The following CCDC15 variants were observed in gnomAD, a reference collection of about 807,000 sequenced individuals.
The protein encoded by CCDC15 is coiled-coil domain-containing protein 15.
Under a neutral mutation model 114.5 loss-of-function variants are expected in CCDC15, and 105 were observed. The observed-to-expected ratio is 0.92, with a 90% confidence interval of 0.78 to 1.08. The LOEUF (loss-of-function observed/expected upper bound fraction) is 1.08, where lower values mean the gene tolerates loss of function less well. Among genes scored for constraint, CCDC15 ranks in the 50% least tolerant of loss-of-function variants. CCDC15 has a pLI of 0.00. For synonymous variants in CCDC15, 334 were observed against 377.8 expected, an observed-to-expected ratio of 0.88 and a Z score of 1.34; for missense variants, 1,105 against 1,093.6, an observed-to-expected ratio of 1.01 and a Z score of -0.15.
chr11:125,038,582 C>G lies in CCDC15; in HGVS notation c.2563C>G (p.Gln855Glu). The change falls in exon 14 of 16, where the codon CAG (glutamine) becomes GAG (glutamate). Residue 855 changes from glutamine to glutamate, a missense_variant. Gln to Glu is a conservative substitution (Grantham distance 29, BLOSUM62 2). Coordinates refer to ENST00000344762, the MANE Select transcript of CCDC15 (RefSeq NM_025004.3). ...QEIKGTREKQ[Q>E]REKEYLRYVE... ...AATAAAAGGAACCAGAGAAAAACAA[C>G]AGAGAGAAAAAGAATACCTGAGGTA... is the stretch of plus-strand genomic sequence containing the variant. 1 of 1,569,090 alleles carries G rather than the reference C, an allele frequency of 6.4e-7. No individual in the cohort carries two copies. The highest frequency in any genetic ancestry group is 8.6e-7 in the Non-Finnish European group (1 of 1,161,056).
At chr11:124,970,897 C>T (rs1002806078) in intron 4 of CCDC15, among the ~76,000 whole-genome samples, 3 of 152,094 alleles carry the variant, frequency 2.0e-5, no homozygotes, top group Non-Finnish European at 2.9e-5. Flanking sequence ...TTACAATTTT[C>T]GTTTTGTTAC....
In CCDC15 at chr11:125,002,590, G is replaced by A. The variant is rs550858919; in HGVS notation, c.2215-1277G>A. Among the ~76,000 whole-genome samples, 5 of 152,108 alleles carry A rather than the reference G, an allele frequency of 3.3e-5. No homozygotes were observed. In the South Asian group the frequency reaches 6.2e-4, roughly 19 times the overall value. On this transcript the variant is annotated intron_variant, in intron 11 of 15. Coordinates refer to ENST00000344762, the MANE Select transcript of CCDC15 (RefSeq NM_025004.3). Reference sequence around the variant, plus strand: ...ATTTTTGTGTGTAGTGTTAGGGAGCGGTCCAACTTCATTCTTTTGCATGTG... The same window carrying A: ...ATTTTTGTGTGTAGTGTTAGGGAGCAGTCCAACTTCATTCTTTTGCATGTG...
chr11:124,978,789 C>T (rs1207088489), intron 6 of CCDC15, among the ~76,000 whole-genome samples: 1 of 149,808 alleles, frequency 6.7e-6, no homozygotes, highest in East Asian at 2.0e-4. Flanking sequence ...TGTGCAGAAG[C>T]TCTTCAGTTT....
At chr11:124,969,721 CTT>C (rs1340115779) in intron 4 of CCDC15, among the ~76,000 whole-genome samples, 1 of 152,198 alleles carries the variant, frequency 6.6e-6, no homozygotes, top group Non-Finnish European at 1.5e-5. Flanking sequence ...CAGTCAGACA[CTT>C]TTGCCTGCAA....
chr11:124,956,760 C>G (rs1947558598), intron 2 of CCDC15, among the ~76,000 whole-genome samples: 1 of 152,194 alleles, frequency 6.6e-6, no homozygotes, highest in Non-Finnish European at 1.5e-5. Flanking sequence ...GGAGTTTGAT[C>G]AAGCATCTAA....
chr11:124,976,864 G>T (rs962191235), intron 5 of CCDC15, among the ~76,000 whole-genome samples: 1 of 152,024 alleles, frequency 6.6e-6, no homozygotes, highest in Non-Finnish European at 1.5e-5. Flanking sequence ...ATGAATTCAG[G>T]CTACCTACTT....
intron 12 of CCDC15, among the ~76,000 whole-genome samples, chr11:125,004,855 G>A (rs1357182915): frequency 6.6e-6 from 1 of 152,044 alleles, no homozygotes; most frequent in African/African-American, 2.4e-5. Context: ...ATATTTCAGA[G>A]TAACAGAGTA....
rs144831732 is a variant in CCDC15 at position 124,986,839 on chromosome 11, A to G, written c.851A>G (p.Gln284Arg). The change falls in exon 7 of 16, where the codon CAG becomes CGG. Residue 284 changes from glutamine (Q) to arginine (R), a missense_variant. Gln to Arg is a conservative substitution (Grantham distance 43). Coordinates refer to ENST00000344762, the MANE Select transcript of CCDC15 (RefSeq NM_025004.3). ...TTGTTTGGGAGAGGCCAGCAGGACC[A>G]GCAGGCTATCCATTCTGAAGATAAG... Reference protein sequence around the residue: ...EDLFGRGQQDQQAIHSEDKNK... With the variant: ...EDLFGRGQQDRQAIHSEDKNK... 8.7e-5 allele frequency: 136 copies of G among 1,561,430 alleles called. No homozygotes were observed. Among genetic ancestry groups the G allele is most frequent in the Non-Finnish European group, 1.1e-4 (130 of 1,151,736 alleles).
At chr11:125,012,609 T>C (rs962263743) in intron 13 of CCDC15, among the ~76,000 whole-genome samples, 10 of 152,146 alleles carry the variant, frequency 6.6e-5, no homozygotes, top group African/African-American at 2.2e-4. Context: ...TATTACACTT[T>C]AGTTGGGTTT....
At chr11:124,959,388 G>A (rs74498123) in intron 3 of CCDC15, 124 bp downstream of exon 3, 39,256 of 807,390 alleles carry the variant, frequency 0.049, 1,136 homozygotes, top group African/African-American at 0.089. Context: ...TAATTAACTA[G>A]TGAAGACAGT....
At chr11:125,009,903 A>T (rs1948577884) in intron 13 of CCDC15, among the ~76,000 whole-genome samples, 3 of 152,170 alleles carry the variant, frequency 2.0e-5, no homozygotes. Flanking sequence ...CCAGTTCGCC[A>T]CTGATGGGCA....
chr11:124,959,742 T>TAA, intron 3 of CCDC15, 73 bp from the exon 4 acceptor site: 1 of 398,414 alleles, frequency 2.5e-6, no homozygotes, highest in Non-Finnish European at 4.2e-6. Context: ...TCTTCTGAAC[T>TAA]GCTTTAGAGG....
Position 124,987,786 on chromosome 11 carries a change from C to T in CCDC15, c.1560C>T (p.Asp520=). The T allele has an allele frequency of 6.2e-7, 1 of 1,605,736 alleles. No homozygotes were observed. Among genetic ancestry groups the T allele is most frequent in the Non-Finnish European group, 8.5e-7 (1 of 1,173,892 alleles). The change falls in exon 8 of 16, where the codon GAC becomes GAT. Residue 520 remains aspartate (D), a synonymous_variant. Transcript: ENST00000344762. The part of the protein sequence containing the change: ...LSRDQHVLPK[D]QNILPKYQGQ... ...GAGACCAGCATGTTCTCCCCAAAGACCAGAATATTCTACCTAAATATCAAG... is the reference window on the plus strand; with the variant it reads ...GAGACCAGCATGTTCTCCCCAAAGATCAGAATATTCTACCTAAATATCAAG...
At chr11:124,962,187 C>T (rs1386289538) in intron 4 of CCDC15, among the ~76,000 whole-genome samples, 1 of 152,042 alleles carries the variant, frequency 6.6e-6, no homozygotes, top group South Asian at 2.1e-4. Flanking sequence ...TAGATGTCAC[C>T]GTGAAACTAG....
chr11:124,974,743 A>G (rs997718488), intron 4 of CCDC15, among the ~76,000 whole-genome samples: 5 of 152,194 alleles, frequency 3.3e-5, no homozygotes, highest in Non-Finnish European at 7.3e-5. Flanking sequence ...CTTATTGACA[A>G]AGGTGGATAG....
At chr11:124,965,449 C>G (rs1947757702) in intron 4 of CCDC15, among the ~76,000 whole-genome samples, 1 of 152,208 alleles carries the variant, frequency 6.6e-6, no homozygotes, top group Admixed American at 6.5e-5. Context: ...GTAGTATTCT[C>G]TGATGGTAGT....
chr11:124,991,001 A>G (rs1377582124), intron 8 of CCDC15, among the ~76,000 whole-genome samples: 1 of 152,184 alleles, frequency 6.6e-6, no homozygotes, highest in Non-Finnish European at 1.5e-5. Flanking sequence ...TTATATTCTG[A>G]TCTTGGTTAA....
intron 15 of CCDC15, chr11:125,039,395 C>G (rs1329410861): frequency 4.6e-6 from 1 of 219,480 alleles, no homozygotes; most frequent in Non-Finnish European, 8.9e-6. Flanking sequence ...AGTTGAATTC[C>G]CTATTACTCA....
At chr11:124,967,165 G>C (rs1947798572) in intron 4 of CCDC15, among the ~76,000 whole-genome samples, 1 of 152,138 alleles carries the variant, frequency 6.6e-6, no homozygotes, top group South Asian at 2.1e-4. Flanking sequence ...TGTATTTCCT[G>C]AATTTAAAGG....
Sources: gnomAD v4.1 joint callset for allele counts (sites outside exome capture counted in the v4.1 genomes callset) on GRCh38, gnomAD v4.1.1 for gene constraint, MANE v1.5 for transcripts, NCBI Gene and HGNC (gene_info 2026-07-23, HGNC 2026-07-21) for gene names.